Variants in PNPLA7 observed in about 807,000 individuals in gnomAD.
The protein encoded by PNPLA7 is patatin-like phospholipase domain-containing protein 7.
In PNPLA7, 153 loss-of-function variants were observed where a neutral mutation model predicts 161.7. The ratio of observed to expected loss-of-function variants is 0.95; its 90% confidence interval spans 0.83 to 1.08. The LOEUF is 1.08. PNPLA7 is among the 50% of genes least tolerant of loss of function. PNPLA7 has a pLI of 0.00. For missense variants in PNPLA7, 1,739 were observed against 1,856.6 expected, an observed-to-expected ratio of 0.94 and a Z score of 1.16; for synonymous variants, 809 against 782.1, an observed-to-expected ratio of 1.03 and a Z score of -0.57.
At chr9:137,534,011 C>G (rs1465226298) in intron 8 of PNPLA7, among the ~76,000 whole-genome samples, 1 of 150,426 alleles carries the variant, frequency 6.6e-6, no homozygotes. Flanking sequence ...CTCCCAGAAT[C>G]CTCCACAACA....
intron 21 of PNPLA7, among the ~76,000 whole-genome samples, chr9:137,483,709 G>A (rs1476373667): frequency 1.3e-5 from 2 of 151,654 alleles, no homozygotes; most frequent in African/African-American, 2.4e-5. Context: ...CACCCGCCTC[G>A]GCCTCCCAAA....
At chr9:137,498,030 C>G in intron 17 of PNPLA7, 84 bp downstream of exon 17, 2 of 1,549,066 alleles carry the variant, frequency 1.3e-6, no homozygotes, top group Non-Finnish European at 1.8e-6. Context: ...TGTGTGGTTT[C>G]CACGGTAACC....
intron 12 of PNPLA7, among the ~76,000 whole-genome samples, chr9:137,512,606 G>A (rs750572082): frequency 3.9e-5 from 6 of 152,134 alleles, no homozygotes; most frequent in African/African-American, 7.2e-5. Flanking sequence ...TGCAATGTGC[G>A]TCCTGCATGC....
At position 137,468,734 on chromosome 9, in the gene PNPLA7, C is replaced by T. The variant is rs1292418069; in HGVS notation, c.2883-1261G>A. ...CACTCCAGCCTGGACTGGAGTGAGA[C>T]CCTGTCTATAAAAAAGTTCTGGAAA... On this transcript the variant is annotated intron_variant, in intron 25 of 34. Coordinates refer to ENST00000406427, the MANE Select transcript of PNPLA7 (RefSeq NM_001098537.3). The surrounding 1 kb of genome is among the most constrained non-coding windows in gnomAD (Gnocchi z 4.0). Among the ~76,000 whole-genome samples, 1 of 151,184 alleles carries T rather than the reference C, an allele frequency of 6.6e-6. No homozygotes were observed. Among genetic ancestry groups the T allele is most frequent in the Non-Finnish European group, 1.5e-5 (1 of 67,788 alleles).
chr9:137,540,888 G>A lies in PNPLA7; in HGVS notation c.667-166C>T. 1 of 614,006 alleles carries A rather than the reference G, an allele frequency of 1.6e-6. No individual in the cohort carries two copies. Among genetic ancestry groups the A allele is most frequent in the Non-Finnish European group, 2.9e-6 (1 of 339,994 alleles). The allele number at this position is 614,006 out of a possible 1,614,324, so 38.0% of individuals were successfully genotyped here. ...GGAGGGCAGGGGACAAGATGGACCT[G>A]CTGGCATCAGGGGTACAACACACAG... On this transcript the variant is annotated intron_variant, in intron 7 of 34. Transcript: ENST00000406427. The surrounding 1 kb of genome is among the most constrained non-coding windows in gnomAD (Gnocchi z 5.1).
At chr9:137,521,025 C>T (rs1390438139) in intron 10 of PNPLA7, among the ~76,000 whole-genome samples, 2 of 147,942 alleles carry the variant, frequency 1.4e-5, no homozygotes, top group African/African-American at 2.5e-5. Flanking sequence ...CCCCATGGGA[C>T]GGGCATGGGG....
rs532109934 is a variant in PNPLA7, at chr9:137,538,069, C to T, written c.747+2573G>A. ...GCTCCAGAGACACACTAACCAGAGG[C>T]TCCAAAGAGGTGCACAGAGGTGGAT... On this transcript the variant is annotated intron_variant, in intron 8 of 34. Coordinates refer to ENST00000406427, the MANE Select transcript of PNPLA7 (RefSeq NM_001098537.3). Among the ~76,000 whole-genome samples the T allele has an allele frequency of 2.6e-5, 4 of 152,296 alleles. No individual in the cohort carries two copies. The East Asian group carries it at 7.7e-4, about 29-fold the overall frequency.
chr9:137,506,161 C>A, intron 12 of PNPLA7, 78 bp from the exon 13 acceptor site: 3 of 1,245,038 alleles, frequency 2.4e-6, no homozygotes, highest in Non-Finnish European at 3.4e-6. Flanking sequence ...CTGAGCACAC[C>A]CTGCAGTCTA....
rs1057383114 is a variant in PNPLA7 at position 137,463,309 on chromosome 9, T to G, written c.3343+106A>C. 5 of 1,048,010 alleles carry G rather than the reference T, an allele frequency of 4.8e-6. 1 individual carries two copies. The African/African-American group carries it at 8.0e-5, about 17-fold the overall frequency. 64.9% of individuals were successfully genotyped at this position (1,048,010 alleles called of 1,614,324 possible). On this transcript the variant is annotated intron_variant, in intron 29 of 34. Coordinates refer to ENST00000406427, the MANE Select transcript of PNPLA7 (RefSeq NM_001098537.3). ...CTTGGCATACTCTAAGGAAAACGTGTTCCAGCCCAGGCTTCTTGGAGCGGA... is the reference window on the plus strand; with the variant it reads ...CTTGGCATACTCTAAGGAAAACGTGGTCCAGCCCAGGCTTCTTGGAGCGGA...
At chr9:137,522,388 C>A (rs1280513684) in intron 9 of PNPLA7, among the ~76,000 whole-genome samples, 2 of 150,478 alleles carry the variant, frequency 1.3e-5, no homozygotes, top group Admixed American at 6.6e-5. Flanking sequence ...GACGGGGTTT[C>A]ACCGTGTGAG....
intron 12 of PNPLA7, among the ~76,000 whole-genome samples, chr9:137,514,399 A>C (rs1487827993): frequency 3.2e-3 from 250 of 77,464 alleles, no homozygotes; most frequent in Middle Eastern, 0.012. Context: ...GCTGGGCTGC[A>C]GGCGGGTCAC....
intron 20 of PNPLA7, chr9:137,492,328 C>T: frequency 1.0e-6 from 1 of 984,888 alleles, no homozygotes; most frequent in Non-Finnish European, 1.2e-6. Flanking sequence ...TTCCAATCAG[C>T]TGACAAAAAT....
chr9:137,550,376 CT>C lies in PNPLA7; in HGVS notation c.-180del. 2 of 709,416 alleles carry C rather than the reference CT, an allele frequency of 2.8e-6. No individual in the cohort carries two copies. Among genetic ancestry groups the C allele is most frequent in the Non-Finnish European group, 4.9e-6 (2 of 409,234 alleles). The allele number at this position is 709,416 out of a possible 1,614,324, so 43.9% of individuals were successfully genotyped here. A position where few individuals can be genotyped will look rare whatever the true frequency, so the allele number is the denominator to read the frequency against. ...AAAGTCTGTTCTCCAGGAAGAAAAG[CT>C]GTCTTTTGAGAAGTGTCTGTCATCT... On this transcript the variant is annotated 5_prime_UTR_variant, in exon 1 of 35. It removes the in-frame stop codon of an upstream open reading frame in the 5' UTR. Coordinates refer to ENST00000406427, the MANE Select transcript of PNPLA7 (RefSeq NM_001098537.3).
chr9:137,533,858 A>C (rs1370737632), intron 8 of PNPLA7, among the ~76,000 whole-genome samples: 1 of 139,966 alleles, frequency 7.1e-6, no homozygotes, highest in Non-Finnish European at 1.5e-5. Context: ...AACAGCGTCC[A>C]CTCCAGACAG....
chr9:137,492,262 G>C, intron 20 of PNPLA7: 5 of 985,232 alleles, frequency 5.1e-6, no homozygotes, highest in Non-Finnish European at 6.0e-6. Flanking sequence ...GCACAGGAGA[G>C]AGAGCACTCT....
At chr9:137,502,565 C>T (rs948078378) in intron 14 of PNPLA7, among the ~76,000 whole-genome samples, 24 of 143,402 alleles carry the variant, frequency 1.7e-4, no homozygotes, top group South Asian at 4.6e-4. Flanking sequence ...ACGGAGAGGC[C>T]GCATCGCCCC....
At chr9:137,542,848 G>A in intron 6 of PNPLA7, 47 bp from the exon 7 acceptor site, 1 of 1,577,900 alleles carries the variant, frequency 6.3e-7, no homozygotes, top group South Asian at 1.1e-5. Flanking sequence ...AGGGGAGGAG[G>A]ACGGCCTCTC....
rs1176520548 is a variant in PNPLA7 at position 137,486,198 on chromosome 9, G to A, written c.2198-1462C>T. On this transcript the variant is annotated intron_variant, in intron 20 of 34. Transcript: ENST00000406427. This position sits in a 1 kb window ranked among gnomAD's most constrained non-coding sequence, Gnocchi z 6.0. Reference sequence around the variant, plus strand: ...AGGTCAGAGTAAGGGGACGCGGCATGGTGAGGGAAGAGGCCAGGAGAGCAA... The same window carrying A: ...AGGTCAGAGTAAGGGGACGCGGCATAGTGAGGGAAGAGGCCAGGAGAGCAA... Among the ~76,000 whole-genome samples, 1 of 152,094 alleles carries A rather than the reference G, an allele frequency of 6.6e-6. No homozygotes were observed. The highest frequency in any genetic ancestry group is 2.4e-5 in the African/African-American group (1 of 41,408).
intron 31 of PNPLA7, 61 bp downstream of exon 31, chr9:137,462,115 CGAG>C (rs909872807): frequency 1.3e-5 from 20 of 1,517,110 alleles, no homozygotes; most frequent in Non-Finnish European, 1.5e-5. Context: ...AAGGGGGAAG[CGAG>C]GAGGGGCAGC....
Sources: gnomAD v4.1 joint callset for allele counts (sites outside exome capture counted in the v4.1 genomes callset) on GRCh38, gnomAD v4.1.1 for gene constraint, Gnocchi (gnomAD v3.1) non-coding constraint, MANE v1.5 for transcripts, NCBI Gene and HGNC (gene_info 2026-07-23, HGNC 2026-07-21) for gene names.